GRHL3: variants seen among roughly 807,000 people sequenced by gnomAD.
GRHL3 encodes the protein grainyhead-like protein 3 homolog.
GRHL3 carries 20 observed loss-of-function variants against 70.3 expected under a neutral mutation model. That is an observed-to-expected ratio of 0.28 (90% CI 0.20 to 0.41). The LOEUF is 0.41. GRHL3 is among the 10% of genes least tolerant of loss of function. The pLI is 1.00. For missense variants in GRHL3, 637 were observed against 762.3 expected, an observed-to-expected ratio of 0.84 and a Z score of 1.94; for synonymous variants, 299 against 299.9, an observed-to-expected ratio of 1.00 and a Z score of 0.03.
intron 15 of GRHL3, among the ~76,000 whole-genome samples, chr1:24,351,916 G>A (rs1490210692): frequency 6.6e-6 from 1 of 152,188 alleles, no homozygotes; most frequent in Non-Finnish European, 1.5e-5. Context: ...GTAGTTACAA[G>A]GTCATGAGTT....
chr1:24,324,976 G>T (rs1396117705), intron 1 of GRHL3, among the ~76,000 whole-genome samples: 1 of 152,190 alleles, frequency 6.6e-6, no homozygotes, highest in Non-Finnish European at 1.5e-5. Flanking sequence ...CCACTGGCAG[G>T]CACGAGAACC....
chr1:24,323,242 G>A, intron 1 of GRHL3: 1 of 680,492 alleles, frequency 1.5e-6, no homozygotes, highest in Non-Finnish European at 2.6e-6. Flanking sequence ...CTCAAACTGT[G>A]GTCCGTGGAC....
intron 1 of GRHL3, among the ~76,000 whole-genome samples, chr1:24,330,844 T>G (rs1278206690): frequency 6.6e-6 from 1 of 152,232 alleles, no homozygotes; most frequent in Non-Finnish European, 1.5e-5. Flanking sequence ...AGTTCCTGGC[T>G]TCTGAGCAAC....
chr1:24,352,759 G>C (rs906974405), intron 15 of GRHL3, among the ~76,000 whole-genome samples: 4 of 152,140 alleles, frequency 2.6e-5, no homozygotes, highest in African/African-American at 9.7e-5. Flanking sequence ...GGTCTCCCCT[G>C]GTCTGTTTCC....
At position 24,354,470 on chromosome 1, in the gene GRHL3, C is replaced by A; in HGVS notation, c.1791C>A (p.Ile597=). 6.2e-7 allele frequency: 1 copy of A among 1,612,752 alleles called. No individual in the cohort carries two copies. Among genetic ancestry groups the A allele is most frequent in the Non-Finnish European group, 8.5e-7 (1 of 1,178,748 alleles). Reference sequence around the variant, plus strand: ...GGGAGCTGGACGGCAAAATTCAGATCATCCTTAAGGAGCTGTAAGGCCTCT... The same window carrying A: ...GGGAGCTGGACGGCAAAATTCAGATAATCCTTAAGGAGCTGTAAGGCCTCT... ...DMGELDGKIQ[I]ILKEL is the part of the protein sequence containing the mutation. Residue 597 remains isoleucine (I), a synonymous_variant, in exon 16 of 16, where the codon ATC becomes ATA. Transcript: ENST00000361548.
At chr1:24,320,631 G>C (rs1416758767) in intron 1 of GRHL3, among the ~76,000 whole-genome samples, 2 of 152,228 alleles carry the variant, frequency 1.3e-5, no homozygotes, top group African/African-American at 4.8e-5. Flanking sequence ...TTGAAGATCT[G>C]TGGGCAGACA....
At chr1:24,352,718 T>G (rs1485860543) in intron 15 of GRHL3, among the ~76,000 whole-genome samples, 1 of 152,186 alleles carries the variant, frequency 6.6e-6, no homozygotes, top group African/African-American at 2.4e-5. Flanking sequence ...ACCCTGATTT[T>G]GAAAAAGGAC....
At chr1:24,361,602 A>G (rs974397863) in intron 15 of GRHL3, among the ~76,000 whole-genome samples, 2 of 152,078 alleles carry the variant, frequency 1.3e-5, no homozygotes, top group African/African-American at 4.8e-5. Context: ...ACATTCCAGA[A>G]TCCTACTAAA....
At chr1:24,354,311 A>T in intron 15 of GRHL3, 63 bp from the exon 16 acceptor site, 1 of 1,130,328 alleles carries the variant, frequency 8.8e-7, no homozygotes, top group African/African-American at 1.5e-5. Context: ...CATCCTGGTC[A>T]CTCAGAAGGC....
chr1:24,360,906 C>T (rs1212021250), intron 15 of GRHL3: 2 of 1,613,726 alleles, frequency 1.2e-6, no homozygotes, highest in East Asian at 2.2e-5. Context: ...TGGTATTGGA[C>T]ACGAATGATG....
At chr1:24,348,455 G>A (rs1317855933) in intron 14 of GRHL3, among the ~76,000 whole-genome samples, 1 of 152,168 alleles carries the variant, frequency 6.6e-6, no homozygotes, top group Non-Finnish European at 1.5e-5. Flanking sequence ...CGCACCGTCA[G>A]CCCTGCTCGG....
chr1:24,353,458 G>GGT (rs1455349457), intron 15 of GRHL3, among the ~76,000 whole-genome samples: 1 of 150,682 alleles, frequency 6.6e-6, no homozygotes, highest in Admixed American at 6.6e-5. Flanking sequence ...ATGCCAGGTA[G>GGT]GTGTGTGTGT....
At chr1:24,341,674 G>A (rs1162130173) in intron 8 of GRHL3, among the ~76,000 whole-genome samples, 6 of 152,166 alleles carry the variant, frequency 3.9e-5, no homozygotes, top group Admixed American at 3.9e-4. Flanking sequence ...TGGGCCAGCA[G>A]GAAAGTGGTC....
intron 1 of GRHL3, among the ~76,000 whole-genome samples, chr1:24,326,300 A>G (rs1639384497): frequency 1.3e-5 from 2 of 151,506 alleles, no homozygotes. Flanking sequence ...TTGATCTGGA[A>G]GGTCCAAGGT....
At position 24,347,570 on chromosome 1, in the gene GRHL3, C is replaced by G; in HGVS notation, c.1629+17C>G. ...AGGAATGCGGTAAGCTGCCTGTGGACCCCGCCCCCCATGGCAGACCCCCTC... is the reference window on the plus strand; with the variant it reads ...AGGAATGCGGTAAGCTGCCTGTGGAGCCCGCCCCCCATGGCAGACCCCCTC... On this transcript the variant is annotated intron_variant, in intron 14 of 15. Transcript: ENST00000361548. 6.3e-7 allele frequency: 1 copy of G among 1,594,592 alleles called. No homozygotes were observed. The highest frequency in any genetic ancestry group is 8.6e-7 in the Non-Finnish European group (1 of 1,162,290).
chr1:24,342,702 G>A lies in GRHL3; in HGVS notation c.1215G>A (p.Glu405=). 6.2e-7 allele frequency: 1 copy of A among 1,614,208 alleles called. No homozygotes were observed. The highest frequency in any genetic ancestry group is 1.3e-5 in the African/African-American group (1 of 75,062). The stretch of plus-strand genomic sequence containing the variant: ...CTCCTTCTCCCCTGCAGGGAGCTGA[G>A]AGGAAGATGCGCGATGACGAGCGGA... ...QIKIFCDKGA[E]RKMRDDERKQ... is the part of the protein sequence containing the mutation. Residue 405 remains glutamate (E), a synonymous_variant, in exon 10 of 16, where the codon GAG becomes GAA. Coordinates refer to ENST00000361548, the MANE Select transcript of GRHL3 (RefSeq NM_198173.3). The surrounding 1 kb of genome is among the most constrained non-coding windows in gnomAD (Gnocchi z 4.8).
chr1:24,335,738 T>A (rs1011540636), intron 3 of GRHL3, among the ~76,000 whole-genome samples: 4 of 152,042 alleles, frequency 2.6e-5, no homozygotes, highest in South Asian at 4.2e-4. Context: ...TCCCGCCACC[T>A]CGCCCGGCTA....
Position 24,322,728 on chromosome 1 carries a change from G to A in GRHL3, c.17+3160G>A, listed in dbSNP as rs1333948780. 6.6e-6 allele frequency among the ~76,000 whole-genome samples: 1 copy of A among 152,232 alleles called. No individual in the cohort carries two copies. The highest frequency in any genetic ancestry group is 6.5e-5 in the Admixed American group (1 of 15,282). Reference sequence around the variant, plus strand: ...CACCGGAGGAGTGAAGAGGGAAAACGGGGCTGAAACCCAGATGGGATCATC... The same window carrying A: ...CACCGGAGGAGTGAAGAGGGAAAACAGGGCTGAAACCCAGATGGGATCATC... On this transcript the variant is annotated intron_variant, in intron 1 of 15. Transcript: ENST00000361548. The surrounding 1 kb of genome is among the most constrained non-coding windows in gnomAD (Gnocchi z 4.4).
At chr1:24,353,956 C>A (rs1030843132) in intron 15 of GRHL3, among the ~76,000 whole-genome samples, 2 of 152,180 alleles carry the variant, frequency 1.3e-5, no homozygotes, top group African/African-American at 4.8e-5. Flanking sequence ...GGGACACATC[C>A]TAGCCTCTTG....
Sources: allele counts gnomAD v4.1 joint callset (sites outside exome capture counted in the v4.1 genomes callset), GRCh38; gene constraint gnomAD v4.1.1; non-coding constraint Gnocchi (gnomAD v3.1); transcripts MANE v1.5; gene names NCBI Gene and HGNC (gene_info 2026-07-23, HGNC 2026-07-21).